The following SBF2 variants were observed in gnomAD, a reference collection of about 807,000 sequenced individuals.
SBF2 encodes SET binding factor 2.
Under a neutral mutation model 225.2 loss-of-function variants are expected in SBF2, and 112 were observed. The observed-to-expected ratio is 0.50, with a 90% CI of 0.43 to 0.58. SBF2 has a LOEUF of 0.58. Ranked by LOEUF, SBF2 falls within the 20% of genes least tolerant of loss-of-function variation. The pLI is 0.00. For missense variants in SBF2, 1,996 were observed against 2,206.2 expected, an observed-to-expected ratio of 0.90 and a Z score of 1.91; for synonymous variants, 763 against 773.3, an observed-to-expected ratio of 0.99 and a Z score of 0.22.
rs1036160836 is a variant in SBF2, at chr11:9,982,259, C to T, written c.1395+7238G>A. Among the ~76,000 whole-genome samples, 8 of 152,298 alleles carry T rather than the reference C, an allele frequency of 5.3e-5. No individual in the cohort carries two copies. The East Asian group carries it at 1.2e-3, about 22-fold the overall frequency. On this transcript the variant is annotated intron_variant, in intron 13 of 39. Coordinates refer to ENST00000256190, the MANE Select transcript of SBF2 (RefSeq NM_030962.4). ...CCAAGCCAAAGCAGAGGACACTGGT[C>T]GGTTCTGTCTGAGGTGGTTCTGGTC... is the stretch of plus-strand genomic sequence containing the variant.
chr11:9,874,695 A>G (rs985950484), intron 17 of SBF2, among the ~76,000 whole-genome samples: 4 of 152,228 alleles, frequency 2.6e-5, no homozygotes, highest in Admixed American at 6.5e-5. Context: ...TCACTGAGGT[A>G]CTGCCTACAC....
intron 1 of SBF2, among the ~76,000 whole-genome samples, chr11:10,204,762 T>G (rs1957695118): frequency 6.6e-6 from 1 of 152,000 alleles, no homozygotes; most frequent in South Asian, 2.1e-4. Context: ...GGCTACATAT[T>G]GTATGAGTCC....
At chr11:10,080,726 A>C (rs1000719861) in intron 2 of SBF2, among the ~76,000 whole-genome samples, 1 of 152,146 alleles carries the variant, frequency 6.6e-6, no homozygotes, top group Non-Finnish European at 1.5e-5. Context: ...AATTTGCCTT[A>C]CTCATAAAGA....
chr11:9,934,093 T>TAAATAAATA (rs1864706046), intron 16 of SBF2, among the ~76,000 whole-genome samples: 1 of 148,194 alleles, frequency 6.7e-6, no homozygotes. Context: ...AATAAATAAA[T>TAAATAAATA]AAAAATAAAA....
At chr11:10,087,102 T>TC (rs2134894417) in intron 2 of SBF2, among the ~76,000 whole-genome samples, 1 of 152,294 alleles carries the variant, frequency 6.6e-6, no homozygotes, top group East Asian at 1.9e-4. Context: ...AGCCATTTTG[T>TC]CTTTTTTTTT....
At chr11:9,900,259 T>A (rs1013015267) in intron 16 of SBF2, among the ~76,000 whole-genome samples, 4 of 152,194 alleles carry the variant, frequency 2.6e-5, no homozygotes, top group African/African-American at 9.6e-5. Flanking sequence ...TTTTAAAGAA[T>A]CAATATGTCA....
Position 9,795,977 on chromosome 11 carries a change from G to T in SBF2, c.4444-20C>A. 1 of 1,611,002 alleles carries T rather than the reference G, an allele frequency of 6.2e-7. No homozygotes were observed. Reference sequence around the variant, plus strand: ...GTGAACCTGAAACACACAAGGCAAAGAAAAGAGTAAGAATCAAACAGAACA... The same window carrying T: ...GTGAACCTGAAACACACAAGGCAAATAAAAGAGTAAGAATCAAACAGAACA... On this transcript the variant is annotated intron_variant, in intron 32 of 39. Coordinates refer to ENST00000256190, the MANE Select transcript of SBF2 (RefSeq NM_030962.4).
intron 17 of SBF2, among the ~76,000 whole-genome samples, chr11:9,887,552 A>G (rs1006189411): frequency 6.6e-6 from 1 of 152,110 alleles, no homozygotes; most frequent in African/African-American, 2.4e-5. Flanking sequence ...CTTAAAGAAC[A>G]AGAAGAAAAT....
chr11:10,206,190 A>G (rs1957746181), intron 1 of SBF2, among the ~76,000 whole-genome samples: 1 of 151,280 alleles, frequency 6.6e-6, no homozygotes, highest in Non-Finnish European at 1.5e-5. Context: ...CAAACAGCTC[A>G]GCCTGGGGAA....
intron 6 of SBF2, among the ~76,000 whole-genome samples, chr11:10,017,771 T>C (rs1371329594): frequency 6.6e-6 from 1 of 152,096 alleles, no homozygotes; most frequent in African/African-American, 2.4e-5. Context: ...AGCTTAGCAA[T>C]GTGGGAGACT....
Position 9,784,447 on chromosome 11 carries a change from AATG to A in SBF2, c.5232-12_5232-10del. On this transcript the variant is annotated splice_polypyrimidine_tract_variant and intron_variant, in intron 37 of 39. Transcript: ENST00000256190. ...GTGTTCCCTCAAAGGACCTAGAAGA[AATG>A]ATGACAGGAGAGTTAATTTTGATTT... 1 of 1,600,248 alleles carries A rather than the reference AATG, an allele frequency of 6.2e-7. No individual in the cohort carries two copies.
At chr11:10,043,773 C>T (rs1294233386) in intron 2 of SBF2, among the ~76,000 whole-genome samples, 3 of 151,936 alleles carry the variant, frequency 2.0e-5, no homozygotes. Flanking sequence ...AGGGTCTTTC[C>T]ATGTTGTCCA....
chr11:10,172,261 G>A (rs1165161223), intron 2 of SBF2, among the ~76,000 whole-genome samples: 1 of 151,842 alleles, frequency 6.6e-6, no homozygotes, highest in African/African-American at 2.4e-5. Context: ...TTTTGATGTA[G>A]GCACTTATAG....
At chr11:9,782,787 G>C (rs1009179421) in intron 38 of SBF2, among the ~76,000 whole-genome samples, 1 of 151,466 alleles carries the variant, frequency 6.6e-6, no homozygotes, top group Non-Finnish European at 1.5e-5. Context: ...AGAGAATGGC[G>C]AGAACCCAGG....
At chr11:9,859,676 C>T (rs1366774459) in intron 17 of SBF2, among the ~76,000 whole-genome samples, 1 of 152,166 alleles carries the variant, frequency 6.6e-6, no homozygotes, top group Non-Finnish European at 1.5e-5. Flanking sequence ...AACTGTTACA[C>T]AACAAAAGTT....
chr11:10,201,701 G>T (rs1957576200), intron 1 of SBF2, among the ~76,000 whole-genome samples: 1 of 152,168 alleles, frequency 6.6e-6, no homozygotes, highest in South Asian at 2.1e-4. Flanking sequence ...GGCTTTTACA[G>T]AAGTGAAAAA....
chr11:10,228,951 C>CT (rs929222253), intron 1 of SBF2, among the ~76,000 whole-genome samples: 68 of 147,552 alleles, frequency 4.6e-4, no homozygotes, highest in East Asian at 1.2e-3. Context: ...TGGTCCTGGA[C>CT]TTTTTTTTTT....
At chr11:10,016,180 A>G (rs1318635508) in intron 6 of SBF2, among the ~76,000 whole-genome samples, 3 of 152,200 alleles carry the variant, frequency 2.0e-5, no homozygotes, top group Non-Finnish European at 4.4e-5. Context: ...AGTATCATTT[A>G]GTATCAGATA....
chr11:9,880,831 G>C (rs1363185341), intron 17 of SBF2, among the ~76,000 whole-genome samples: 2 of 152,152 alleles, frequency 1.3e-5, no homozygotes, highest in Non-Finnish European at 2.9e-5. Flanking sequence ...AGCTATCCTA[G>C]AAGGGGGTGT....
Sources: gnomAD v4.1 joint callset for allele counts (sites outside exome capture counted in the v4.1 genomes callset) on GRCh38, gnomAD v4.1.1 for gene constraint, MANE v1.5 for transcripts, NCBI Gene and HGNC (gene_info 2026-07-23, HGNC 2026-07-21) for gene names.